ATP8A2: variants seen among roughly 807,000 people sequenced by gnomAD.
The protein encoded by ATP8A2 is ATPase phospholipid transporting 8A2, also known as phospholipid-transporting ATPase IB.
ATP8A2 carries 100 observed loss-of-function variants against 165.6 expected under a neutral mutation model. That is an observed-to-expected ratio of 0.60 (90% CI 0.51 to 0.71). The LOEUF is 0.71. Ranked by LOEUF, ATP8A2 falls within the 30% of genes least tolerant of loss-of-function variation. ATP8A2 has a pLI of 0.00. For missense variants in ATP8A2, 1,227 were observed against 1,479.5 expected (o/e 0.83, Z 2.80); for synonymous variants, 543 against 548.8 (o/e 0.99, Z 0.15).
chr13:25,599,110 G>A (rs1413282909), intron 24 of ATP8A2, among the ~76,000 whole-genome samples: 1 of 151,930 alleles, frequency 6.6e-6, no homozygotes, highest in Non-Finnish European at 1.5e-5. Flanking sequence ...ATCTATTTTA[G>A]GGTTTTCTTT....
chr13:26,011,763 G>A (rs905999574), intron 35 of ATP8A2, among the ~76,000 whole-genome samples: 5 of 152,048 alleles, frequency 3.3e-5, no homozygotes, highest in African/African-American at 1.2e-4. Flanking sequence ...GCAAGGCCCT[G>A]TCTCTGCAAA....
chr13:25,638,482 C>A (rs912843918), intron 24 of ATP8A2, among the ~76,000 whole-genome samples: 2 of 152,070 alleles, frequency 1.3e-5, no homozygotes, highest in African/African-American at 4.8e-5. Flanking sequence ...GTAGCCGATT[C>A]GATCAACTGG....
chr13:25,884,336 A>G (rs1430181387), intron 33 of ATP8A2, among the ~76,000 whole-genome samples: 2 of 152,114 alleles, frequency 1.3e-5, no homozygotes, highest in Admixed American at 6.5e-5. Flanking sequence ...GAAGGAAATC[A>G]TGTCGGGACC....
Position 25,802,307 on chromosome 13 carries a change from G to C in ATP8A2, c.2680-25811G>C, listed in dbSNP as rs371980949. Among the ~76,000 whole-genome samples the C allele has an allele frequency of 1.1e-4, 17 of 152,282 alleles. No homozygotes were observed. In the East Asian group the frequency reaches 2.1e-3, roughly 19 times the overall value. ...TTCTATACTGGCAACTCCATGGAGA[G>C]CTTGAAGACCAGCAGCTACATTCCC... On this transcript the variant is annotated intron_variant, in intron 27 of 36. Transcript: ENST00000381655.
At chr13:25,858,867 C>T (rs1952248843) in intron 30 of ATP8A2, among the ~76,000 whole-genome samples, 2 of 151,888 alleles carry the variant, frequency 1.3e-5, no homozygotes, top group African/African-American at 2.4e-5. Flanking sequence ...CAATAGATGC[C>T]GGAGAACTTG....
chr13:25,782,826 G>A (rs1373863551), intron 27 of ATP8A2, among the ~76,000 whole-genome samples: 3 of 152,018 alleles, frequency 2.0e-5, no homozygotes, highest in Non-Finnish European at 4.4e-5. Flanking sequence ...TGCAAGCCCC[G>A]CCTCCTGGGT....
intron 1 of ATP8A2, among the ~76,000 whole-genome samples, chr13:25,402,511 C>G (rs1322297685): frequency 1.3e-5 from 2 of 152,224 alleles, no homozygotes; most frequent in African/African-American, 4.8e-5. Context: ...TGCCCTGGCA[C>G]TGGCTCCTGG....
chr13:25,861,565 G>A (rs1273967841), intron 32 of ATP8A2, among the ~76,000 whole-genome samples: 3 of 152,188 alleles, frequency 2.0e-5, no homozygotes, highest in Non-Finnish European at 4.4e-5. Flanking sequence ...TGGGGTGGAA[G>A]GTCAGTGAGG....
intron 2 of ATP8A2, among the ~76,000 whole-genome samples, chr13:25,494,808 G>A (rs989891377): frequency 2.6e-5 from 4 of 152,030 alleles, no homozygotes; most frequent in Admixed American, 1.3e-4. Flanking sequence ...GAGCGAATTC[G>A]ACTTTGTAAT....
intron 30 of ATP8A2, among the ~76,000 whole-genome samples, chr13:25,849,701 T>C (rs558462258): frequency 4.6e-5 from 7 of 152,230 alleles, no homozygotes; most frequent in African/African-American, 7.2e-5. Context: ...CTAATTTGGC[T>C]AATCCTATGT....
intron 33 of ATP8A2, among the ~76,000 whole-genome samples, chr13:25,895,878 T>C (rs1953528063): frequency 6.6e-6 from 1 of 152,200 alleles, no homozygotes; most frequent in Non-Finnish European, 1.5e-5. Context: ...TCGGTGGTGA[T>C]ATCCCCTTTG....
chr13:25,723,002 T>C (rs1333755566), intron 25 of ATP8A2, among the ~76,000 whole-genome samples: 3 of 152,256 alleles, frequency 2.0e-5, no homozygotes, highest in African/African-American at 7.2e-5. Context: ...TTAATTCCTG[T>C]AGGTGGAGTG....
At chr13:25,637,986 C>T (rs1404045404) in intron 24 of ATP8A2, among the ~76,000 whole-genome samples, 3 of 152,198 alleles carry the variant, frequency 2.0e-5, no homozygotes, top group African/African-American at 7.2e-5. Flanking sequence ...TGCCAATACC[C>T]AGGCAAACAG....
rs568518527 is a variant in ATP8A2 at position 25,814,580 on chromosome 13, A to G, written c.2680-13538A>G. Among the ~76,000 whole-genome samples the G allele has an allele frequency of 2.0e-5, 3 of 150,974 alleles. No individual in the cohort carries two copies. The South Asian group carries it at 6.3e-4, about 32-fold the overall frequency. ...CCCAGAAGTAAACCCTGGAATATGT[A>G]ATTAAATGATTTTCAACAAGAGTGC... is the stretch of plus-strand genomic sequence containing the variant. On this transcript the variant is annotated intron_variant, in intron 27 of 36. Transcript: ENST00000381655.
chr13:25,779,141 G>A (rs565568271), intron 27 of ATP8A2, among the ~76,000 whole-genome samples: 2 of 151,706 alleles, frequency 1.3e-5, no homozygotes, highest in East Asian at 1.9e-4. Context: ...AGAGAAAAAT[G>A]TCACAAACAC....
At position 25,372,544 on chromosome 13, in the gene ATP8A2, G is replaced by C. The variant is rs2032449189; in HGVS notation, c.76+256G>C. On this transcript the variant is annotated intron_variant, in intron 1 of 36. Transcript: ENST00000381655. The surrounding 1 kb of genome is among the most constrained non-coding windows in gnomAD (Gnocchi z 4.8). ...CGTCAGAGACCCCCGGCTCGTCCCT[G>C]TACAGATGTGTGTGTGTGTGTGCGG... is the stretch of plus-strand genomic sequence containing the variant. Among the ~76,000 whole-genome samples, 1 of 152,156 alleles carries C rather than the reference G, an allele frequency of 6.6e-6. No individual in the cohort carries two copies. The highest frequency in any genetic ancestry group is 1.5e-5 in the Non-Finnish European group (1 of 68,004).
chr13:25,505,822 T>G (rs529960926), intron 2 of ATP8A2, among the ~76,000 whole-genome samples: 123 of 152,360 alleles, frequency 8.1e-4, no homozygotes, highest in African/African-American at 2.9e-3. Context: ...AAGGTATTAT[T>G]AATATCCGAC....
At chr13:25,506,464 T>C (rs990216971) in intron 2 of ATP8A2, among the ~76,000 whole-genome samples, 1 of 152,222 alleles carries the variant, frequency 6.6e-6, no homozygotes, top group African/African-American at 2.4e-5. Context: ...CTTGGACATT[T>C]GCGTATTTCA....
At chr13:25,445,379 G>C (rs562041449) in intron 1 of ATP8A2, among the ~76,000 whole-genome samples, 1 of 152,246 alleles carries the variant, frequency 6.6e-6, no homozygotes, top group African/African-American at 2.4e-5. Context: ...GTAGCACCTG[G>C]CGTTCTCTTC....
Sources: gnomAD v4.1 joint callset for allele counts (sites outside exome capture counted in the v4.1 genomes callset) on GRCh38, gnomAD v4.1.1 for gene constraint, Gnocchi (gnomAD v3.1) non-coding constraint, MANE v1.5 for transcripts, NCBI Gene and HGNC (gene_info 2026-07-23, HGNC 2026-07-21) for gene names.